Variants in MAP3K20 observed in about 807,000 individuals in gnomAD.
The protein encoded by MAP3K20 is HCCS-4.
Under a neutral mutation model 85.7 loss-of-function variants are expected in MAP3K20, and 40 were observed. The ratio of observed to expected loss-of-function variants is 0.47; its 90% CI spans 0.36 to 0.61. The LOEUF (loss-of-function observed/expected upper bound fraction) is 0.61. Ranked by LOEUF, MAP3K20 falls within the 20% of genes least tolerant of loss-of-function variation. The pLI is 0.00. For synonymous variants in MAP3K20, 325 were observed against 327.7 expected (o/e 0.99, Z 0.09); for missense variants, 817 against 961.7 (o/e 0.85, Z 1.99).
intron 2 of MAP3K20, among the ~76,000 whole-genome samples, chr2:173,130,552 TAGAA>T (rs57133966): frequency 0.066 from 10,081 of 152,186 alleles, 954 homozygotes; most frequent in East Asian, 0.53. Context: ...AGTTAAAAAA[TAGAA>T]AGATTGAAAT....
rs1690900886 is a variant in MAP3K20, at chr2:173,197,847, G to A, written c.583-179G>A. 8 of 319,854 alleles carry A rather than the reference G, an allele frequency of 2.5e-5. No homozygotes were observed. The South Asian group carries it at 5.1e-4, about 20-fold the overall frequency. 19.8% of individuals were successfully genotyped at this position (319,854 alleles called of 1,614,324 possible). On this transcript the variant is annotated intron_variant, in intron 7 of 19. Transcript: ENST00000375213. ...AGGTTTTTTCTTTATAAAAAAGAACGTAAAAAGTATTTAATATATAGAAGA... is the reference window on the plus strand; with the variant it reads ...AGGTTTTTTCTTTATAAAAAAGAACATAAAAAGTATTTAATATATAGAAGA...
intron 3 of MAP3K20, among the ~76,000 whole-genome samples, chr2:173,179,157 G>GTGGGAT (rs1445161858): frequency 6.6e-6 from 1 of 152,118 alleles, no homozygotes; most frequent in Admixed American, 6.5e-5. Context: ...ACTTTGGGAG[G>GTGGGAT]CCGAGGTGGG....
intron 1 of MAP3K20, among the ~76,000 whole-genome samples, chr2:173,076,953 G>A (rs1686880683): frequency 6.6e-6 from 1 of 152,364 alleles, no homozygotes; most frequent in Middle Eastern, 3.4e-3. Context: ...ATCTCTGTTA[G>A]ATCGCTGAAA....
chr2:173,096,443 G>T (rs1423709787), intron 2 of MAP3K20, among the ~76,000 whole-genome samples: 2 of 151,584 alleles, frequency 1.3e-5, no homozygotes, highest in Non-Finnish European at 2.9e-5. Flanking sequence ...GAGTTCAAGC[G>T]ATTCTCCTGC....
At chr2:173,093,981 G>A (rs1222425969) in intron 2 of MAP3K20, among the ~76,000 whole-genome samples, 1 of 123,282 alleles carries the variant, frequency 8.1e-6, no homozygotes, top group Non-Finnish European at 1.6e-5. Flanking sequence ...ACACTCTGGG[G>A]ACTGTTGTGG....
chr2:173,090,180 A>G (rs1201425302), intron 1 of MAP3K20, among the ~76,000 whole-genome samples: 1 of 152,184 alleles, frequency 6.6e-6, no homozygotes, highest in Non-Finnish European at 1.5e-5. Context: ...TGTAAGTCTC[A>G]CTAATCTATG....
chr2:173,155,736 G>GT (rs1244162980), intron 2 of MAP3K20, among the ~76,000 whole-genome samples: 1 of 152,168 alleles, frequency 6.6e-6, no homozygotes, highest in Non-Finnish European at 1.5e-5. Flanking sequence ...GTTTTGGCAA[G>GT]TATGTTTTGG....
At chr2:173,182,766 T>C in intron 3 of MAP3K20, 88 bp from the exon 4 acceptor site, 1 of 927,332 alleles carries the variant, frequency 1.1e-6, no homozygotes, top group Non-Finnish European at 1.5e-6. Flanking sequence ...TTAAATTCTT[T>C]AATGTATTTT....
At chr2:173,224,895 AC>A in intron 11 of MAP3K20, 1 of 985,348 alleles carries the variant, frequency 1.0e-6, no homozygotes, top group Non-Finnish European at 1.2e-6. Context: ...CTTCTAATTC[AC>A]TTTTCAGATC....
chr2:173,094,222 C>CA (rs1394488715), intron 2 of MAP3K20, among the ~76,000 whole-genome samples: 1 of 152,148 alleles, frequency 6.6e-6, no homozygotes, highest in African/African-American at 2.4e-5. Context: ...CCCCTACACT[C>CA]ACCATTTAGT....
chr2:173,110,235 ATATATATTTTTTTTTTTTTT>A (rs1302353641), intron 2 of MAP3K20, among the ~76,000 whole-genome samples: 3 of 10,072 alleles, frequency 3.0e-4, no homozygotes, highest in Non-Finnish European at 5.1e-4. Context: ...ATATATATAT[ATATATATTTTTTTTTTTTTT>A]TTTTTTTTTT....
chr2:173,162,687 CAAAAAAA>C (rs10708654), intron 2 of MAP3K20, among the ~76,000 whole-genome samples: 4 of 108,694 alleles, frequency 3.7e-5, no homozygotes, highest in South Asian at 3.1e-4. Flanking sequence ...ACTCCGTCTC[CAAAAAAA>C]AAAAAAAAAA....
At chr2:173,192,385 T>C (rs1019203981) in intron 7 of MAP3K20, among the ~76,000 whole-genome samples, 3 of 152,188 alleles carry the variant, frequency 2.0e-5, no homozygotes, top group African/African-American at 7.2e-5. Flanking sequence ...GTATACCAAA[T>C]TAATAAAGAT....
In MAP3K20 at chr2:173,266,768, C is replaced by G. The variant is rs1685435382; in HGVS notation, c.*18C>G. The stretch of plus-strand genomic sequence containing the variant: ...ACTTTTGATGAATTGAACTACATAG[C>G]TTTTCTAAGCAGGTTAAAAAAAAAA... On this transcript the variant is annotated 3_prime_UTR_variant, in exon 20 of 20. Transcript: ENST00000375213. The G allele has an allele frequency of 8.6e-7, 1 of 1,167,514 alleles. No homozygotes were observed. The highest frequency in any genetic ancestry group is 1.1e-6 in the Non-Finnish European group (1 of 874,632). The allele number at this position is 1,167,514 out of a possible 1,614,324, so 72.3% of individuals were successfully genotyped here.
At chr2:173,153,781 C>A (rs1689373957) in intron 2 of MAP3K20, among the ~76,000 whole-genome samples, 1 of 152,204 alleles carries the variant, frequency 6.6e-6, no homozygotes, top group South Asian at 2.1e-4. Flanking sequence ...ACAGAACCTA[C>A]ATGTATCCTC....
chr2:173,210,744 C>T (rs1405792377), intron 10 of MAP3K20: 1 of 152,156 alleles, frequency 6.6e-6, no homozygotes, highest in Admixed American at 6.6e-5. Flanking sequence ...TTCATCTCTG[C>T]TCCCGATAGC....
At chr2:173,076,491 C>A (rs1489921400) in intron 1 of MAP3K20, among the ~76,000 whole-genome samples, 1 of 152,184 alleles carries the variant, frequency 6.6e-6, no homozygotes, top group Admixed American at 6.5e-5. Context: ...ACTCGCTGTG[C>A]GTGCGAGGAG....
At chr2:173,126,912 A>C (rs1228391150) in intron 2 of MAP3K20, among the ~76,000 whole-genome samples, 3 of 152,182 alleles carry the variant, frequency 2.0e-5, no homozygotes, top group African/African-American at 7.2e-5. Context: ...TTAGAAATTG[A>C]AATACAGCCT....
At chr2:173,111,809 CT>C (rs1255264662) in intron 2 of MAP3K20, among the ~76,000 whole-genome samples, 1 of 152,170 alleles carries the variant, frequency 6.6e-6, no homozygotes, top group East Asian at 1.9e-4. Context: ...CAGTGTCATG[CT>C]GTTTTGGTGA....
Sources: allele counts gnomAD v4.1 joint callset (sites outside exome capture counted in the v4.1 genomes callset), GRCh38; gene constraint gnomAD v4.1.1; transcripts MANE v1.5; gene names NCBI Gene and HGNC (gene_info 2026-07-23, HGNC 2026-07-21).